ST3GAL1: variants seen among roughly 807,000 people sequenced by gnomAD.
The protein encoded by ST3GAL1 is CMP-N-acetylneuraminate-beta-galactosamide-alpha-2,3-sialyltransferase 1.
Under a neutral mutation model 34.1 loss-of-function variants are expected in ST3GAL1, and 16 were observed. That is an observed-to-expected ratio of 0.47 (90% CI 0.32 to 0.71). The LOEUF (loss-of-function observed/expected upper bound fraction) is 0.71. Ranked by LOEUF, ST3GAL1 falls within the 30% of genes least tolerant of loss-of-function variation. ST3GAL1 has a pLI of 0.04. For missense variants in ST3GAL1, 353 were observed against 447.4 expected (o/e 0.79, Z 1.90); for synonymous variants, 191 against 184.7 (o/e 1.03, Z -0.28).
intron 1 of ST3GAL1, among the ~76,000 whole-genome samples, chr8:133,559,909 C>A (rs986303560): frequency 2.6e-5 from 4 of 152,116 alleles, no homozygotes; most frequent in Non-Finnish European, 5.9e-5. Flanking sequence ...TCCCCAGGCA[C>A]CTTGGGGCTC....
intron 2 of ST3GAL1, among the ~76,000 whole-genome samples, chr8:133,504,013 T>C (rs1586624625): frequency 2.0e-5 from 3 of 151,706 alleles, no homozygotes; most frequent in African/African-American, 7.3e-5. Flanking sequence ...CTCAGGGAGG[T>C]GGCAGAAAGG....
chr8:133,464,906 G>T lies in ST3GAL1; in HGVS notation c.555C>A (p.Thr185=). Residue 185 remains threonine, a synonymous_variant, in exon 7 of 10, where the codon ACC becomes ACA. Transcript: ENST00000522652. ...TCTCAGGGTACACCAGATGGTGGGT[G>T]GTCTTGGTCCCAACATCAGCTTCAA... ...AGFEADVGTK[T]THHLVYPESF... 1 of 1,614,010 alleles carries T rather than the reference G, an allele frequency of 6.2e-7. No homozygotes were observed. Among genetic ancestry groups the T allele is most frequent in the East Asian group, 2.2e-5 (1 of 44,860 alleles).
chr8:133,511,399 GCC>G (rs1390116837), intron 2 of ST3GAL1, among the ~76,000 whole-genome samples: 2 of 152,194 alleles, frequency 1.3e-5, no homozygotes, highest in African/African-American at 4.8e-5. Flanking sequence ...CTGGCCCTTG[GCC>G]TACAATGGCT....
chr8:133,558,469 A>T (rs1819122952), intron 1 of ST3GAL1, among the ~76,000 whole-genome samples: 1 of 152,212 alleles, frequency 6.6e-6, no homozygotes, highest in Admixed American at 6.5e-5. Context: ...TCAATGAAAG[A>T]CTCAGTAGAT....
chr8:133,543,118 C>T (rs1818579953), intron 2 of ST3GAL1, among the ~76,000 whole-genome samples: 1 of 152,138 alleles, frequency 6.6e-6, no homozygotes, highest in African/African-American at 2.4e-5. Flanking sequence ...TGGGAGACAG[C>T]CACACCAGTG....
Position 133,531,808 on chromosome 8 carries a change from A to G in ST3GAL1, c.-429+13966T>C, listed in dbSNP as rs77894404. Among the ~76,000 whole-genome samples the G allele has an allele frequency of 2.3e-4, 15 of 64,628 alleles. 1 individual carries two copies. The highest frequency in any genetic ancestry group is 1.9e-4 in the African/African-American group (2 of 10,766). 42.4% of individuals were successfully genotyped at this position (64,628 alleles called of 152,430 possible). On this transcript the variant is annotated intron_variant, in intron 2 of 9. Transcript: ENST00000522652. ...TTCTGCACTTGTATCCCGAAACTTA[A>G]AAACAGAAAAAAAAAAAAAAAAAAA... is the stretch of plus-strand genomic sequence containing the variant.
chr8:133,460,149 T>C (rs74376165), intron 9 of ST3GAL1, among the ~76,000 whole-genome samples: 4,451 of 152,302 alleles, frequency 0.029, 114 homozygotes, highest in African/African-American at 0.064. Flanking sequence ...AACTCAAGTC[T>C]AATTCCAGAA....
intron 2 of ST3GAL1, among the ~76,000 whole-genome samples, chr8:133,525,623 GC>G (rs1283104898): frequency 6.6e-6 from 1 of 152,094 alleles, no homozygotes; most frequent in East Asian, 1.9e-4. Context: ...GCTGAGGGAC[GC>G]CTGCAGGCCT....
intron 2 of ST3GAL1, among the ~76,000 whole-genome samples, chr8:133,505,699 T>A (rs1817312678): frequency 6.6e-6 from 1 of 151,496 alleles, no homozygotes. Context: ...ACCTCCTGGG[T>A]TCAAGCGAGT....
At chr8:133,488,978 A>G (rs1050656905) in intron 3 of ST3GAL1, among the ~76,000 whole-genome samples, 2 of 152,158 alleles carry the variant, frequency 1.3e-5, no homozygotes, top group Admixed American at 6.5e-5. Context: ...GGGGACAGGC[A>G]GTGACTGCCT....
intron 3 of ST3GAL1, among the ~76,000 whole-genome samples, chr8:133,489,908 C>G (rs543129783): frequency 6.6e-6 from 1 of 152,224 alleles, no homozygotes; most frequent in African/African-American, 2.4e-5. Context: ...GTTTGATAAG[C>G]CTGCAGACAA....
rs1287760256 is a variant in ST3GAL1, at chr8:133,541,116, T to TAGAGAGAGAGAGAGAGAGAG, written c.-429+4657_-429+4658insCTCTCTCTCTCTCTCTCTCT. On this transcript the variant is annotated intron_variant, in intron 2 of 9. Transcript: ENST00000522652. ...ATAAACATATATATATATATATATA[T>TAGAGAGAGAGAGAGAGAGAG]ATATAGAGAGAGAGAGAGAGAGAGA... 2.1e-3 allele frequency among the ~76,000 whole-genome samples: 103 copies of TAGAGAGAGAGAGAGAGAGAG among 48,510 alleles called. 2 individuals carry two copies. The highest frequency in any genetic ancestry group is 2.9e-3 in the Non-Finnish European group (78 of 27,038). The allele number at this position is 48,510 out of a possible 152,430, so 31.8% of individuals were successfully genotyped here. A position where few individuals can be genotyped will look rare whatever the true frequency, so the allele number is the denominator to read the frequency against.
At chr8:133,568,272 G>A (rs1265173945) in intron 1 of ST3GAL1, among the ~76,000 whole-genome samples, 4 of 152,108 alleles carry the variant, frequency 2.6e-5, no homozygotes, top group Non-Finnish European at 5.9e-5. Flanking sequence ...GAATAGTTTG[G>A]GAGCCAAGTT....
At chr8:133,495,106 G>C (rs1816905752) in intron 3 of ST3GAL1, among the ~76,000 whole-genome samples, 1 of 151,944 alleles carries the variant, frequency 6.6e-6, no homozygotes, top group Admixed American at 6.6e-5. Context: ...TTTTAGTAGA[G>C]ATGGGGTTTC....
At chr8:133,502,696 T>C (rs1817221429) in intron 2 of ST3GAL1, among the ~76,000 whole-genome samples, 1 of 152,228 alleles carries the variant, frequency 6.6e-6, no homozygotes, top group Non-Finnish European at 1.5e-5. Flanking sequence ...CATTTTGCAG[T>C]TGAGGAAGCT....
In ST3GAL1 at chr8:133,514,777, G is replaced by A. The variant is rs115197870; in HGVS notation, c.-428-15588C>T. ...AGGGTCAGGGTTCAGACATCACATG[G>A]GTCTGCCCGCTAAGACCCTCGAGAT... is the stretch of plus-strand genomic sequence containing the variant. On this transcript the variant is annotated intron_variant, in intron 2 of 9. Coordinates refer to ENST00000522652, the MANE Select transcript of ST3GAL1 (RefSeq NM_173344.3). 8.5e-5 allele frequency among the ~76,000 whole-genome samples: 13 copies of A among 152,138 alleles called. No homozygotes were observed. The South Asian group carries it at 1.2e-3, about 15-fold the overall frequency.
At chr8:133,465,787 C>T (rs1366004046) in intron 6 of ST3GAL1, 107 bp downstream of exon 6, 11 of 1,320,950 alleles carry the variant, frequency 8.3e-6, no homozygotes, top group Non-Finnish European at 6.3e-6. Flanking sequence ...TAAGTTCAGT[C>T]CCAGGACTGA....
chr8:133,523,428 C>A (rs1227541415), intron 2 of ST3GAL1, among the ~76,000 whole-genome samples: 1 of 152,200 alleles, frequency 6.6e-6, no homozygotes, highest in East Asian at 1.9e-4. Flanking sequence ...TGCTGGGCAC[C>A]CTCAGGCAAG....
intron 2 of ST3GAL1, among the ~76,000 whole-genome samples, chr8:133,513,098 G>C (rs1305723069): frequency 2.6e-5 from 4 of 152,182 alleles, no homozygotes; most frequent in Non-Finnish European, 5.9e-5. Flanking sequence ...AGTGTCCTCA[G>C]AGAACACGGT....
Sources: gnomAD v4.1 joint callset for allele counts (sites outside exome capture counted in the v4.1 genomes callset) on GRCh38, gnomAD v4.1.1 for gene constraint, MANE v1.5 for transcripts, NCBI Gene and HGNC (gene_info 2026-07-23, HGNC 2026-07-21) for gene names.